Variants in CAPN13 observed in about 807,000 individuals in gnomAD.
CAPN13 encodes the protein calpain-13.
A neutral mutation model predicts 98.4 loss-of-function variants in CAPN13; 90 were observed. The observed-to-expected ratio is 0.92, with a 90% CI of 0.77 to 1.09. CAPN13 has a LOEUF of 1.09. Ranked by LOEUF, CAPN13 falls within the 50% of genes least tolerant of loss-of-function variation. The probability of loss-of-function intolerance (pLI) is 0.00; values close to 1 mark genes in which losing one functional copy is unlikely to be tolerated. For missense variants in CAPN13, 887 were observed against 841.3 expected (o/e 1.05, Z -0.67); for synonymous variants, 330 against 305.5 (o/e 1.08, Z -0.84).
rs12105857 is a variant in CAPN13, at chr2:30,748,202, G to T, written c.1237-2468C>A. ...TGCTTGACCTGGTCAGTCCTGGCTG[G>T]GCAGACCAGGGGCCTCAGTTCCTTC... On this transcript the variant is annotated intron_variant, in intron 11 of 22. Transcript: ENST00000295055. 9.7e-3 allele frequency among the ~76,000 whole-genome samples: 1,472 copies of T among 152,276 alleles called. 28 individuals are homozygous for T. Among genetic ancestry groups the T allele is most frequent in the African/African-American group, 0.034 (1,393 of 41,544 alleles).
intron 22 of CAPN13, among the ~76,000 whole-genome samples, chr2:30,727,579 C>G (rs567818483): frequency 6.6e-6 from 1 of 152,248 alleles, no homozygotes; most frequent in South Asian, 2.1e-4. Context: ...CATTAGTCAT[C>G]ATGAAAATGC....
Position 30,741,894 on chromosome 2 carries a change from G to A in CAPN13, c.1536+14C>T, listed in dbSNP as rs1197773175. ...CCAATCCCACGTAAGGCCCCTGGGT[G>A]CTAGGTACCATACCTGCTGAGCATA... On this transcript the variant is annotated intron_variant, in intron 15 of 22. Coordinates refer to ENST00000295055, the MANE Select transcript of CAPN13 (RefSeq NM_144575.3). 1.2e-6 allele frequency: 2 copies of A among 1,613,844 alleles called. No individual in the cohort carries two copies. Among genetic ancestry groups the A allele is most frequent in the Non-Finnish European group, 1.7e-6 (2 of 1,179,880 alleles).
intron 20 of CAPN13, 117 bp downstream of exon 20, chr2:30,732,321 G>T: frequency 7.5e-7 from 1 of 1,327,238 alleles, no homozygotes; most frequent in Non-Finnish European, 1.0e-6. Context: ...CAGGCTGCTG[G>T]CCCACCCTGC....
At chr2:30,803,895 G>A (rs538426060) in intron 1 of CAPN13, among the ~76,000 whole-genome samples, 1 of 152,258 alleles carries the variant, frequency 6.6e-6, no homozygotes, top group South Asian at 2.1e-4. Context: ...CTCTATTATT[G>A]AGACAAGGAA....
chr2:30,784,521 A>C (rs1490293419), intron 2 of CAPN13, among the ~76,000 whole-genome samples: 1 of 152,248 alleles, frequency 6.6e-6, no homozygotes, highest in Non-Finnish European at 1.5e-5. Flanking sequence ...AAAAGGGAAA[A>C]AAGGGCAGAA....
intron 1 of CAPN13, 125 bp from the exon 2 acceptor site, chr2:30,787,482 G>T: frequency 1.6e-6 from 1 of 634,500 alleles, no homozygotes; most frequent in Non-Finnish European, 2.6e-6. Context: ...AGTCTGCACT[G>T]TCCCTGGTGG....
chr2:30,736,659 A>C, intron 17 of CAPN13, 88 bp from the exon 18 acceptor site: 1 of 1,194,438 alleles, frequency 8.4e-7, no homozygotes. Context: ...AGGCCCATTC[A>C]TCACTAGCAA....
At chr2:30,730,824 A>T (rs766487024) in intron 21 of CAPN13, 38 bp from the exon 22 acceptor site, 1 of 780,518 alleles carries the variant, frequency 1.3e-6, no homozygotes, top group South Asian at 1.3e-5. Context: ...AATTCTTTAC[A>T]CTTGTTAGCT....
Position 30,758,107 on chromosome 2 carries a change from T to A in CAPN13, c.805A>T (p.Ile269Phe), listed in dbSNP as rs779788854. The A allele has an allele frequency of 5.0e-6, 8 of 1,608,926 alleles. No homozygotes were observed. The Admixed American group carries it at 1.2e-4, about 24-fold the overall frequency. Residue 269 changes from isoleucine to phenylalanine, a missense_variant, in exon 8 of 23, where the codon ATC becomes TTC. By Grantham distance (21) the Ile-to-Phe change is conservative. Transcript: ENST00000295055. Reference sequence around the variant, plus strand: ...CAGCCCCAGGGGTTCCACAGGGAGATAATTTCTTCCCAGCCCCTTCGGTAT... The same window carrying A: ...CAGCCCCAGGGGTTCCACAGGGAGAAAATTTCTTCCCAGCCCCTTCGGTAT... Reference protein sequence around the residue: ...IQYRRGWEEIISLWNPWGWGE... With the variant: ...IQYRRGWEEIFSLWNPWGWGE...
intron 5 of CAPN13, 85 bp downstream of exon 5, chr2:30,770,228 A>G: frequency 3.2e-6 from 5 of 1,539,780 alleles, no homozygotes; most frequent in East Asian, 2.3e-5. Flanking sequence ...AAAGGCTGCA[A>G]TGCTCCAACA....
intron 7 of CAPN13, among the ~76,000 whole-genome samples, chr2:30,761,922 T>C (rs138492347): frequency 6.6e-6 from 1 of 152,252 alleles, no homozygotes; most frequent in African/African-American, 2.4e-5. Flanking sequence ...AAGCCACACA[T>C]AGAGCCTGAT....
intron 1 of CAPN13, among the ~76,000 whole-genome samples, chr2:30,801,604 T>TA (rs10609363): frequency 0.016 from 1,254 of 79,666 alleles, 18 homozygotes; most frequent in Middle Eastern, 0.026. Context: ...GACTCAGTCT[T>TA]AAAAAAAAAA....
chr2:30,760,148 T>C (rs1231963010), intron 7 of CAPN13, among the ~76,000 whole-genome samples: 2 of 152,208 alleles, frequency 1.3e-5, no homozygotes, highest in African/African-American at 4.8e-5. Context: ...AGTGGCACGA[T>C]CTCGGCTCAC....
intron 5 of CAPN13, 40 bp from the exon 6 acceptor site, chr2:30,764,346 G>A (rs1400349556): frequency 5.6e-6 from 9 of 1,602,858 alleles, no homozygotes; most frequent in Non-Finnish European, 7.7e-6. Context: ...GGTGCCTTTG[G>A]TGAGATGCTC....
rs199637269 is a variant in CAPN13 at position 30,770,407 on chromosome 2, G to A, written c.430C>T (p.Arg144Cys). Residue 144 changes from arginine to cysteine, a missense_variant, in exon 5 of 23, where the codon CGC (arginine) becomes TGC (cysteine). Transcript: ENST00000295055. ...GQWVEVVIDDRLPVQGDKCLF... is the reference protein window; with the variant it reads ...GQWVEVVIDDCLPVQGDKCLF... ...CATTTATCTCCCTGGACAGGTAGGCGGTCATCAATCACCACTTCCACCCAC... is the reference window on the plus strand; with the variant it reads ...CATTTATCTCCCTGGACAGGTAGGCAGTCATCAATCACCACTTCCACCCAC... 28 of 1,613,962 alleles carry A rather than the reference G, an allele frequency of 1.7e-5. No homozygotes were observed. The highest frequency in any genetic ancestry group is 1.2e-4 in the Admixed American group (7 of 60,026).
intron 8 of CAPN13, among the ~76,000 whole-genome samples, chr2:30,757,035 C>A (rs1672487218): frequency 2.6e-5 from 4 of 152,200 alleles, no homozygotes; most frequent in Admixed American, 2.6e-4. Context: ...CATTCACCTT[C>A]CAGAAAGCAC....
In CAPN13 at chr2:30,738,466, A is replaced by C; in HGVS notation, c.1537-9T>G. On this transcript the variant is annotated splice_polypyrimidine_tract_variant and intron_variant, in intron 15 of 22. Transcript: ENST00000295055. ...GCATCAATGTCCAGCCTCTGATCCAAACAAGGAAGGAATGCAGGAATTATA... is the reference window on the plus strand; with the variant it reads ...GCATCAATGTCCAGCCTCTGATCCACACAAGGAAGGAATGCAGGAATTATA... 1 of 1,599,686 alleles carries C rather than the reference A, an allele frequency of 6.3e-7. No homozygotes were observed. Among genetic ancestry groups the C allele is most frequent in the South Asian group, 1.1e-5 (1 of 88,446 alleles).
rs573620327 is a variant in CAPN13 at position 30,787,185 on chromosome 2, T to A, written c.141A>T (p.Ile47=). Residue 47 remains isoleucine, a synonymous_variant, in exon 2 of 23, where the codon ATA becomes ATT. Coordinates refer to ENST00000295055, the MANE Select transcript of CAPN13 (RefSeq NM_144575.3). ...DETFPAADSS[I]GQKLLQEKRL... is the part of the protein sequence containing the mutation. ...GTTTTTCCTGGAGCAGCTTCTGGCC[T>A]ATGGAAGAATCTGCTGCAGGGAATG... The A allele has an allele frequency of 1.3e-6, 2 of 1,597,054 alleles. No homozygotes were observed. Among genetic ancestry groups the A allele is most frequent in the African/African-American group, 2.7e-5 (2 of 74,786 alleles).
chr2:30,738,649 G>A (rs996222907), intron 15 of CAPN13, among the ~76,000 whole-genome samples, 192 bp from the exon 16 acceptor site: 24 of 152,306 alleles, frequency 1.6e-4, no homozygotes, highest in African/African-American at 5.1e-4. Flanking sequence ...CACATCTGTC[G>A]TGTTGGTCAC....
Sources: gnomAD v4.1 joint callset for allele counts (sites outside exome capture counted in the v4.1 genomes callset) on GRCh38, gnomAD v4.1.1 for gene constraint, MANE v1.5 for transcripts, NCBI Gene and HGNC (gene_info 2026-07-23, HGNC 2026-07-21) for gene names.